The following SH3BGR variants were observed in gnomAD, a reference collection of about 807,000 sequenced individuals.
The protein encoded by SH3BGR is SH3 domain-binding glutamic acid-rich protein.
Under a neutral mutation model 24.5 loss-of-function variants are expected in SH3BGR, and 29 were observed. The observed-to-expected ratio is 1.18, with a 90% CI of 0.88 to 1.61. The LOEUF (loss-of-function observed/expected upper bound fraction) is 1.61. Among genes scored for constraint, SH3BGR ranks in the 40% most tolerant of loss-of-function variants. The probability of loss-of-function intolerance (pLI) is 0.00; values close to 1 mark genes in which losing one functional copy is unlikely to be tolerated. For missense variants in SH3BGR, 162 were observed against 205.8 expected, an observed-to-expected ratio of 0.79 and a Z score of 1.30; for synonymous variants, 55 against 65.7, an observed-to-expected ratio of 0.84 and a Z score of 0.79.
chr21:39,514,369 A>G (rs1445780891), intron 6 of SH3BGR, among the ~76,000 whole-genome samples: 1 of 151,780 alleles, frequency 6.6e-6, no homozygotes, highest in Non-Finnish European at 1.5e-5. Context: ...TTATTTATTT[A>G]TTTATTTTAT....
At chr21:39,459,840 A>G (rs942119336) in intron 1 of SH3BGR, among the ~76,000 whole-genome samples, 1 of 151,976 alleles carries the variant, frequency 6.6e-6, no homozygotes, top group Non-Finnish European at 1.5e-5. Context: ...AAGTGCTGGG[A>G]TTATAGGTGT....
At chr21:39,457,802 T>TA (rs1313450372) in intron 1 of SH3BGR, among the ~76,000 whole-genome samples, 5 of 151,974 alleles carry the variant, frequency 3.3e-5, no homozygotes, top group Non-Finnish European at 1.5e-5. Flanking sequence ...TGTGCGTCCA[T>TA]AGTGCCAGCT....
At chr21:39,502,597 C>T (rs907587027) in intron 4 of SH3BGR, among the ~76,000 whole-genome samples, 9 of 152,220 alleles carry the variant, frequency 5.9e-5, no homozygotes, top group South Asian at 4.1e-4. Flanking sequence ...CTATCTGCTC[C>T]ATGTGCCCAC....
At chr21:39,507,697 G>A (rs554306696) in intron 4 of SH3BGR, among the ~76,000 whole-genome samples, 26 of 152,290 alleles carry the variant, frequency 1.7e-4, no homozygotes, top group African/African-American at 5.8e-4. Context: ...CCACGCTGGA[G>A]TGCAGTGGCA....
intron 3 of SH3BGR, chr21:39,491,398 C>T (rs2078297292): frequency 6.4e-6 from 1 of 156,518 alleles, no homozygotes; most frequent in South Asian, 1.9e-4. Flanking sequence ...AATCCACCCG[C>T]CTTGGCCTCC....
At position 39,511,578 on chromosome 21, in the gene SH3BGR, G is replaced by A; in HGVS notation, c.436-102G>A. The A allele has an allele frequency of 9.2e-7, 1 of 1,086,186 alleles. No individual in the cohort carries two copies. Among genetic ancestry groups the A allele is most frequent in the South Asian group, 1.5e-5 (1 of 66,194 alleles). The allele number at this position is 1,086,186 out of a possible 1,614,324, so 67.3% of individuals were successfully genotyped here. On this transcript the variant is annotated intron_variant, in intron 5 of 6. Coordinates refer to ENST00000333634, the MANE Select transcript of SH3BGR (RefSeq NM_007341.3). This position sits in a 1 kb window ranked among gnomAD's most constrained non-coding sequence, Gnocchi z 4.2. ...TTGTTTGTGTGTTGTGTGGTGGGGT[G>A]TGGGAGGCTTTGACCTCTAGTCCAG...
chr21:39,496,474 T>C (rs1327898216), intron 3 of SH3BGR, among the ~76,000 whole-genome samples: 2 of 134,098 alleles, frequency 1.5e-5, no homozygotes, highest in African/African-American at 5.9e-5. Flanking sequence ...CAGTCCGCAG[T>C]CCGGCCTGGG....
At chr21:39,464,425 A>G (rs1033164470) in intron 2 of SH3BGR, among the ~76,000 whole-genome samples, 2 of 152,044 alleles carry the variant, frequency 1.3e-5, no homozygotes, top group Non-Finnish European at 2.9e-5. Flanking sequence ...GTTTCACCAC[A>G]TTGGCTGGGC....
At chr21:39,504,694 A>C (rs1158505366) in intron 4 of SH3BGR, among the ~76,000 whole-genome samples, 2 of 152,228 alleles carry the variant, frequency 1.3e-5, no homozygotes, top group Non-Finnish European at 2.9e-5. Flanking sequence ...TTATCTTAAA[A>C]AAATGCTTTT....
intron 1 of SH3BGR, among the ~76,000 whole-genome samples, chr21:39,457,991 C>G (rs1278103315): frequency 6.6e-6 from 1 of 152,058 alleles, no homozygotes; most frequent in Non-Finnish European, 1.5e-5. Context: ...CACCCTAACA[C>G]CCTATACATG....
At chr21:39,470,453 G>T (rs551916435) in intron 2 of SH3BGR, among the ~76,000 whole-genome samples, 5 of 151,730 alleles carry the variant, frequency 3.3e-5, no homozygotes, top group African/African-American at 4.9e-5. Flanking sequence ...GTAGAGATAG[G>T]GGTTCACCAT....
At chr21:39,497,089 C>A (rs2078408897) in intron 3 of SH3BGR, among the ~76,000 whole-genome samples, 1 of 151,380 alleles carries the variant, frequency 6.6e-6, no homozygotes, top group South Asian at 2.1e-4. Context: ...GTGATAAAAG[C>A]AGTATATTGG....
At chr21:39,448,161 A>G (rs902624346), upstream of SH3BGR, among the ~76,000 whole-genome samples, 3 of 152,196 alleles carry the variant, frequency 2.0e-5, no homozygotes, top group Admixed American at 2.0e-4. Flanking sequence ...GGCCCACCCT[A>G]AATCCAGGAT....
At chr21:39,469,719 T>C (rs1176940664) in intron 2 of SH3BGR, among the ~76,000 whole-genome samples, 1 of 152,066 alleles carries the variant, frequency 6.6e-6, no homozygotes. Flanking sequence ...AGTGGCCCGA[T>C]CTCAGCTCAT....
chr21:39,489,030 C>G (rs958439486), intron 3 of SH3BGR, among the ~76,000 whole-genome samples: 13 of 152,138 alleles, frequency 8.5e-5, no homozygotes, highest in African/African-American at 2.9e-4. Flanking sequence ...GTGTTCAGGC[C>G]TCCATTCAAG....
At chr21:39,464,754 C>T (rs1010322281) in intron 2 of SH3BGR, among the ~76,000 whole-genome samples, 1 of 152,144 alleles carries the variant, frequency 6.6e-6, no homozygotes, top group South Asian at 2.1e-4. Context: ...CCTGTCCTAC[C>T]CACATCTTCC....
intron 4 of SH3BGR, among the ~76,000 whole-genome samples, chr21:39,501,087 C>A (rs1250746974): frequency 6.6e-6 from 1 of 152,134 alleles, no homozygotes; most frequent in Non-Finnish European, 1.5e-5. Flanking sequence ...ATATAGTGAC[C>A]ATTTCATTAT....
intron 6 of SH3BGR, among the ~76,000 whole-genome samples, chr21:39,514,641 C>T (rs2123587296): frequency 6.6e-6 from 1 of 152,280 alleles, no homozygotes; most frequent in East Asian, 1.9e-4. Context: ...GAATTACAGG[C>T]ATGAACCACC....
At chr21:39,499,431 T>C (rs2078455792) in intron 3 of SH3BGR, among the ~76,000 whole-genome samples, 1 of 152,146 alleles carries the variant, frequency 6.6e-6, no homozygotes, top group Non-Finnish European at 1.5e-5. Flanking sequence ...CTATGTATGT[T>C]TACCTGTCTA....
Sources: allele counts gnomAD v4.1 joint callset (sites outside exome capture counted in the v4.1 genomes callset), GRCh38; gene constraint gnomAD v4.1.1; non-coding constraint Gnocchi (gnomAD v3.1); transcripts MANE v1.5; gene names NCBI Gene and HGNC (gene_info 2026-07-23, HGNC 2026-07-21).